Variants in SLC4A4 observed in about 807,000 individuals in gnomAD.
SLC4A4 encodes solute carrier family 4 member 4, also known as electrogenic sodium bicarbonate cotransporter 1.
Under a neutral mutation model 111.5 loss-of-function variants are expected in SLC4A4, and 27 were observed. The observed-to-expected ratio is 0.24, with a 90% confidence interval of 0.18 to 0.33. SLC4A4 has a LOEUF of 0.33. Among genes scored for constraint, SLC4A4 ranks in the 10% least tolerant of loss-of-function variants. The pLI, the probability that SLC4A4 is intolerant of heterozygous loss-of-function variation, is 1.00. For missense variants in SLC4A4, 909 were observed against 1,315.5 expected (o/e 0.69, Z 4.78); for synonymous variants, 443 against 463.4 (o/e 0.96, Z 0.57).
intron 14 of SLC4A4, among the ~76,000 whole-genome samples, chr4:71,480,211 C>G (rs1728749597): frequency 6.6e-6 from 1 of 151,406 alleles, no homozygotes; most frequent in Non-Finnish European, 1.5e-5. Flanking sequence ...TCAATATCTC[C>G]ACAGTAGCTC....
At chr4:71,428,660 C>T (rs535524971) in intron 7 of SLC4A4, among the ~76,000 whole-genome samples, 67 of 151,856 alleles carry the variant, frequency 4.4e-4, no homozygotes, top group African/African-American at 1.5e-3. Context: ...AGAAAATAAA[C>T]CAAGAAGAAG....
chr4:71,145,461 T>G (rs1249576669), intron 2 of SLC4A4, among the ~76,000 whole-genome samples: 2 of 152,244 alleles, frequency 1.3e-5, no homozygotes, highest in East Asian at 3.8e-4. Context: ...GCTGACCTCA[T>G]AAAATGAGTT....
chr4:71,122,975 TAAG>T (rs72337013), intron 2 of SLC4A4, among the ~76,000 whole-genome samples: 3,625 of 152,230 alleles, frequency 0.024, 144 homozygotes, highest in African/African-American at 0.081. Flanking sequence ...ATCTCTTAGA[TAAG>T]AAGAATATTA....
intron 2 of SLC4A4, among the ~76,000 whole-genome samples, chr4:71,176,802 A>C (rs1745108115): frequency 6.6e-6 from 1 of 152,230 alleles, no homozygotes; most frequent in Admixed American, 6.5e-5. Context: ...AGGCAGGCCA[A>C]CATTCAAATT....
intron 4 of SLC4A4, 72 bp from the exon 5 acceptor site, chr4:71,349,840 G>T: frequency 7.1e-7 from 1 of 1,407,932 alleles, no homozygotes; most frequent in Non-Finnish European, 1.0e-6. Flanking sequence ...TGAAGATGGA[G>T]GGGTTGAGAC....
chr4:71,327,732 G>C (rs1185494353), intron 3 of SLC4A4, among the ~76,000 whole-genome samples: 1 of 151,256 alleles, frequency 6.6e-6, no homozygotes, highest in Non-Finnish European at 1.5e-5. Flanking sequence ...TATTTACGGG[G>C]TACATGAGAT....
At chr4:71,350,622 T>A (rs916506137) in intron 5 of SLC4A4, among the ~76,000 whole-genome samples, 1 of 152,198 alleles carries the variant, frequency 6.6e-6, no homozygotes, top group Non-Finnish European at 1.5e-5. Context: ...CAAGTATATG[T>A]ACATCAGCCA....
At chr4:71,116,867 C>T (rs530071823) in intron 2 of SLC4A4, among the ~76,000 whole-genome samples, 140 of 151,584 alleles carry the variant, frequency 9.2e-4, no homozygotes, top group South Asian at 1.5e-3. Flanking sequence ...GGCTTGAACC[C>T]GGGAGGCGGA....
intron 1 of SLC4A4, among the ~76,000 whole-genome samples, chr4:71,202,071 G>A (rs565602877): frequency 2.0e-5 from 3 of 152,292 alleles, no homozygotes; most frequent in Non-Finnish European, 2.9e-5. Context: ...GAAGCTCCTC[G>A]AAGTGTTGGT....
At chr4:71,411,014 G>T (rs1721316407) in intron 7 of SLC4A4, among the ~76,000 whole-genome samples, 1 of 152,276 alleles carries the variant, frequency 6.6e-6, no homozygotes, top group East Asian at 1.9e-4. Context: ...ACAGGTTTTT[G>T]TGCTGAAAGA....
chr4:71,136,591 T>C (rs1002468627), intron 2 of SLC4A4, among the ~76,000 whole-genome samples: 12 of 152,188 alleles, frequency 7.9e-5, no homozygotes, highest in Non-Finnish European at 2.9e-5. Context: ...ATCAGTATAC[T>C]GTAAGAGTAA....
intron 13 of SLC4A4, among the ~76,000 whole-genome samples, chr4:71,468,392 C>T (rs189982710): frequency 6.6e-6 from 1 of 152,102 alleles, no homozygotes; most frequent in African/African-American, 2.4e-5. Context: ...ATGTTTGCAT[C>T]CCAGTTTGTT....
intron 2 of SLC4A4, among the ~76,000 whole-genome samples, chr4:71,241,573 T>C (rs1026952189): frequency 6.6e-5 from 10 of 151,692 alleles, no homozygotes; most frequent in African/African-American, 2.4e-4. Context: ...TGAGAAGGAG[T>C]GAATGAAAAC....
chr4:71,570,420 A>G lies in SLC4A4; in HGVS notation c.*2669A>G, dbSNP rs559228492. ...ATGTCATTACTTTCAAAGGAACAGAAGTAGTTAACCAAACTAACAAGCAAA... is the reference window on the plus strand; with the variant it reads ...ATGTCATTACTTTCAAAGGAACAGAGGTAGTTAACCAAACTAACAAGCAAA... On this transcript the variant is annotated 3_prime_UTR_variant, in exon 26 of 26. Transcript: ENST00000264485. The G allele has an allele frequency of 6.6e-6, 1 of 152,400 alleles. No homozygotes were observed. Among genetic ancestry groups the G allele is most frequent in the Admixed American group, 6.6e-5 (1 of 15,232 alleles). The allele number at this position is 152,400 out of a possible 1,614,324, so 9.4% of individuals were successfully genotyped here. A position where few individuals can be genotyped will look rare whatever the true frequency, so the allele number is the denominator to read the frequency against.
At chr4:71,338,566 C>CTTTTTT (rs1213292062) in intron 3 of SLC4A4, among the ~76,000 whole-genome samples, 3 of 135,496 alleles carry the variant, frequency 2.2e-5, no homozygotes, top group African/African-American at 2.7e-5. Flanking sequence ...TCTTCTTCTT[C>CTTTTTT]TTTTTTTTTT....
intron 16 of SLC4A4, among the ~76,000 whole-genome samples, chr4:71,514,726 C>A (rs1255435877): frequency 1.3e-5 from 2 of 152,048 alleles, no homozygotes; most frequent in Non-Finnish European, 2.9e-5. Context: ...TTTTAATTGG[C>A]ATGTTTCCAG....
intron 8 of SLC4A4, among the ~76,000 whole-genome samples, chr4:71,445,270 C>A (rs1725120786): frequency 6.6e-6 from 1 of 152,100 alleles, no homozygotes; most frequent in Non-Finnish European, 1.5e-5. Context: ...TATTGGAATA[C>A]CCACTGCCTG....
At chr4:71,391,423 C>T (rs1319849654) in intron 6 of SLC4A4, among the ~76,000 whole-genome samples, 2 of 151,990 alleles carry the variant, frequency 1.3e-5, no homozygotes, top group Admixed American at 1.3e-4. Context: ...CTTTCTGTGC[C>T]ATAGATTCTC....
chr4:71,542,740 C>A (rs983170955), intron 18 of SLC4A4, among the ~76,000 whole-genome samples: 2 of 152,066 alleles, frequency 1.3e-5, no homozygotes, highest in Non-Finnish European at 2.9e-5. Flanking sequence ...CTGAATTCAC[C>A]CCTACTGTAG....
Sources: gnomAD v4.1 joint callset for allele counts (sites outside exome capture counted in the v4.1 genomes callset) on GRCh38, gnomAD v4.1.1 for gene constraint, MANE v1.5 for transcripts, NCBI Gene and HGNC (gene_info 2026-07-23, HGNC 2026-07-21) for gene names.